TNFSF11: variants seen among roughly 807,000 people sequenced by gnomAD.
TNFSF11 encodes TNF superfamily member 11.
A neutral mutation model predicts 32.2 loss-of-function variants in TNFSF11; 12 were observed. The ratio of observed to expected loss-of-function variants is 0.37; its 90% CI spans 0.24 to 0.60. TNFSF11 has a LOEUF of 0.60. Ranked by LOEUF, TNFSF11 falls within the 20% of genes least tolerant of loss-of-function variation. The probability of loss-of-function intolerance (pLI) is 0.66; values close to 1 mark genes in which losing one functional copy is unlikely to be tolerated. For missense variants in TNFSF11, 345 were observed against 398.0 expected (o/e 0.87, Z 1.13); for synonymous variants, 172 against 152.1 (o/e 1.13, Z -0.96).
upstream of TNFSF11, chr13:42,571,888 A>G (rs1357288304): frequency 6.6e-6 from 1 of 152,250 alleles, no homozygotes; most frequent in Non-Finnish European, 1.5e-5. Context: ...TTCTTTGCTC[A>G]AATTTTATTC....
upstream of TNFSF11, among the ~76,000 whole-genome samples, chr13:42,569,558 AAAAGAAAAG>A (rs1259561715): frequency 2.8e-4 from 18 of 63,884 alleles, 1 homozygote; most frequent in South Asian, 2.4e-3. Context: ...AAAAAAAAAA[AAAAGAAAAG>A]AAAAGAAAAG....
chr13:42,579,563 T>C (rs923544005), intron 1 of TNFSF11, among the ~76,000 whole-genome samples: 1 of 152,158 alleles, frequency 6.6e-6, no homozygotes, highest in Non-Finnish European at 1.5e-5. Flanking sequence ...CATTATTCCT[T>C]TGGCTCAGCA....
At chr13:42,567,832 C>A (rs1288485659) in intron 2 of TNFSF11, among the ~76,000 whole-genome samples, 1 of 152,194 alleles carries the variant, frequency 6.6e-6, no homozygotes, top group East Asian at 1.9e-4. Context: ...AACAAATAAA[C>A]GATGTTCTAA....
intron 1 of TNFSF11, among the ~76,000 whole-genome samples, chr13:42,565,295 A>G (rs1176918255): frequency 1.3e-5 from 2 of 151,822 alleles, no homozygotes. Flanking sequence ...GCCATGGTCT[A>G]CTGAGATCTT....
chr13:42,576,736 C>T (rs1482210521), intron 1 of TNFSF11, among the ~76,000 whole-genome samples: 1 of 152,064 alleles, frequency 6.6e-6, no homozygotes, highest in East Asian at 1.9e-4. Flanking sequence ...ACAATTGTTA[C>T]CCAAAGGAGT....
intron 1 of TNFSF11, among the ~76,000 whole-genome samples, chr13:42,563,173 T>C (rs1355947655): frequency 6.6e-6 from 1 of 152,204 alleles, no homozygotes. Flanking sequence ...TCCAGTTCCA[T>C]CCCACCCACA....
intron 4 of TNFSF11, among the ~76,000 whole-genome samples, chr13:42,603,858 C>T (rs78220389): frequency 1.3e-5 from 2 of 152,138 alleles, no homozygotes; most frequent in African/African-American, 4.8e-5. Context: ...GGGCAGACTG[C>T]CTGTTCCTAA....
chr13:42,606,801 A>AT lies in TNFSF11; in HGVS notation c.843dup (p.Lys282Ter). 6.2e-7 allele frequency: 1 copy of AT among 1,613,508 alleles called. No individual in the cohort carries two copies. The highest frequency in any genetic ancestry group is 1.3e-5 in the African/African-American group (1 of 74,954). On this transcript the variant is annotated frameshift_variant, in exon 5 of 5. Transcript: ENST00000398795. LOFTEE classifies it high-confidence loss of function. Reference sequence around the variant, plus strand: ...ATTTTTATTCCATAAACGTTGGTGGATTTTTTAAGTTACGGTCTGGAGAGG... The same window carrying AT: ...ATTTTTATTCCATAAACGTTGGTGGATTTTTTTAAGTTACGGTCTGGAGAGG...
intron 2 of TNFSF11, among the ~76,000 whole-genome samples, chr13:42,582,060 G>C (rs1012301397): frequency 2.0e-4 from 30 of 152,168 alleles, no homozygotes; most frequent in Non-Finnish European, 1.5e-4. Context: ...CTGTGTGTAC[G>C]TTATATACCT....
intron 2 of TNFSF11, among the ~76,000 whole-genome samples, chr13:42,586,580 G>A (rs957781172): frequency 6.6e-6 from 1 of 152,194 alleles, no homozygotes; most frequent in African/African-American, 2.4e-5. Context: ...TGACTGCTAT[G>A]TAGAGGTGGG....
chr13:42,582,560 G>A lies in TNFSF11; in HGVS notation c.387+1267G>A, dbSNP rs191985799. Among the ~76,000 whole-genome samples the A allele has an allele frequency of 3.1e-3, 468 of 152,276 alleles. 5 individuals are homozygous for A. Among genetic ancestry groups the A allele is most frequent in the African/African-American group, 0.01 (426 of 41,550 alleles). On this transcript the variant is annotated intron_variant, in intron 2 of 4. Transcript: ENST00000398795. ...ATCTTAATTCCAGAGATATCAAAAC[G>A]TTAAAAAGTTGTGCATTATGGAATG...
Position 42,581,255 on chromosome 13 carries a change from A to G in TNFSF11, c.349A>G (p.Arg117Gly). Residue 117 changes from arginine to glycine, a missense_variant, in exon 2 of 5, where the codon AGG becomes GGG. Arg to Gly is a moderately radical substitution (Grantham distance 125, BLOSUM62 -2). Coordinates refer to ENST00000398795, the MANE Select transcript of TNFSF11 (RefSeq NM_003701.4). The stretch of plus-strand genomic sequence containing the variant: ...TACAAAATTAATACCTGATTCATGT[A>G]GGAGAATTAAACAGGCCTTTCAAGG... ...QDTKLIPDSC[R>G]RIKQAFQGAV... 6.2e-7 allele frequency: 1 copy of G among 1,614,138 alleles called. No homozygotes were observed. Among genetic ancestry groups the G allele is most frequent in the South Asian group, 1.1e-5 (1 of 91,078 alleles).
chr13:42,575,569 A>G (rs1327784875), intron 1 of TNFSF11, among the ~76,000 whole-genome samples: 1 of 152,168 alleles, frequency 6.6e-6, no homozygotes, highest in East Asian at 1.9e-4. Flanking sequence ...GCATCAAAAC[A>G]TGGCATTGCT....
intron 1 of TNFSF11, among the ~76,000 whole-genome samples, chr13:42,576,934 G>A (rs1873346378): frequency 6.6e-6 from 1 of 152,226 alleles, no homozygotes; most frequent in South Asian, 2.1e-4. Context: ...ATGTGTGTTA[G>A]AGATCTTCTT....
At chr13:42,566,378 T>C (rs1035667638) in intron 1 of TNFSF11, among the ~76,000 whole-genome samples, 5 of 152,098 alleles carry the variant, frequency 3.3e-5, no homozygotes, top group South Asian at 4.1e-4. Context: ...CCAATGGACA[T>C]TGGTAGGAAA....
chr13:42,602,971 G>GT, intron 4 of TNFSF11, among the ~76,000 whole-genome samples: 1 of 152,310 alleles, frequency 6.6e-6, no homozygotes, highest in Admixed American at 6.5e-5. Flanking sequence ...TTTTCTGACA[G>GT]TTATTGAGTT....
At chr13:42,590,341 T>G (rs749784308) in intron 2 of TNFSF11, among the ~76,000 whole-genome samples, 2 of 152,262 alleles carry the variant, frequency 1.3e-5, no homozygotes, top group Non-Finnish European at 2.9e-5. Context: ...AGTGTTTTCC[T>G]GCTTCTTTGA....
At chr13:42,569,417 G>A (rs988230046), upstream of TNFSF11, among the ~76,000 whole-genome samples, 10 of 151,844 alleles carry the variant, frequency 6.6e-5, no homozygotes, top group African/African-American at 2.2e-4. Flanking sequence ...GCATGGTGGC[G>A]GTCACCTGTA....
chr13:42,598,421 T>C (rs346603), intron 2 of TNFSF11, among the ~76,000 whole-genome samples: 151,696 of 152,368 alleles, frequency 1, 75,518 homozygotes, highest in Middle Eastern at 1. Flanking sequence ...TTTAGAGATA[T>C]GCTGCATATC....
Sources: allele counts gnomAD v4.1 joint callset (sites outside exome capture counted in the v4.1 genomes callset), GRCh38; gene constraint gnomAD v4.1.1; transcripts MANE v1.5; gene names NCBI Gene and HGNC (gene_info 2026-07-23, HGNC 2026-07-21).